The following CIDEA variants were observed in gnomAD, a reference collection of about 807,000 sequenced individuals.
The protein encoded by CIDEA is cell death inducing DFFA like effector a.
CIDEA carries 10 observed loss-of-function variants against 18.2 expected under a neutral mutation model. The observed-to-expected ratio is 0.55, with a 90% CI of 0.34 to 0.93. The LOEUF (loss-of-function observed/expected upper bound fraction) is 0.93, where lower values mean the gene tolerates loss of function less well. CIDEA is among the 40% of genes least tolerant of loss of function. The pLI, the probability that CIDEA is intolerant of heterozygous loss-of-function variation, is 0.02. For synonymous variants in CIDEA, 128 were observed against 124.8 expected (o/e 1.03, Z -0.17); for missense variants, 309 against 293.1 (o/e 1.05, Z -0.40).
chr18:12,272,620 T>C (rs1469469114), intron 3 of CIDEA, among the ~76,000 whole-genome samples: 2 of 152,212 alleles, frequency 1.3e-5, no homozygotes, highest in East Asian at 3.9e-4. Context: ...AGTGCTGGGA[T>C]TACAGGTGTG....
chr18:12,263,004 A>G, intron 2 of CIDEA, 35 bp downstream of exon 2: 2 of 1,608,112 alleles, frequency 1.2e-6, no homozygotes, highest in Non-Finnish European at 1.7e-6. Context: ...CCCAGTCCAC[A>G]GGGGTGCCCT....
At chr18:12,271,422 GGGGCC>G (rs1912526997) in intron 3 of CIDEA, among the ~76,000 whole-genome samples, 1 of 152,230 alleles carries the variant, frequency 6.6e-6, no homozygotes, top group Non-Finnish European at 1.5e-5. Flanking sequence ...GGAAAAGCGA[GGGGCC>G]GGGCCTGCCC....
chr18:12,266,033 T>A (rs1006601797), intron 3 of CIDEA, among the ~76,000 whole-genome samples: 2 of 152,148 alleles, frequency 1.3e-5, no homozygotes, highest in African/African-American at 4.8e-5. Flanking sequence ...AAGACCAGCC[T>A]AGGCAACAGC....
chr18:12,277,514 C>T lies in CIDEA; in HGVS notation c.*244C>T, dbSNP rs1320466017. On this transcript the variant is annotated 3_prime_UTR_variant, in exon 5 of 5. Transcript: ENST00000320477. ...TCATGGGAAGCGAGCACGCAGCAGG[C>T]GTGCCCAGGAGCGTGTGCATGTGTC... 3.9e-6 allele frequency: 2 copies of T among 510,334 alleles called. No homozygotes were observed. The highest frequency in any genetic ancestry group is 1.9e-5 in the African/African-American group (1 of 52,088). 31.6% of individuals were successfully genotyped at this position (510,334 alleles called of 1,614,324 possible). A position where few individuals can be genotyped will look rare whatever the true frequency, so the allele number is the denominator to read the frequency against.
chr18:12,264,369 C>G lies in CIDEA; in HGVS notation c.246C>G (p.Thr82=), dbSNP rs761949756. The change falls in exon 3 of 5, where the codon ACC becomes ACG. Residue 82 remains threonine (T), a synonymous_variant. Transcript: ENST00000320477. ...LVTLVLEEDG[T]VVDTEEFFQT... ...CTCTGGTGCTGGAGGAAGATGGCAC[C>G]GTGGTGGACACAGAAGAGTTCTTTC... is the stretch of plus-strand genomic sequence containing the variant. 6.2e-7 allele frequency: 1 copy of G among 1,613,966 alleles called. No homozygotes were observed. Among genetic ancestry groups the G allele is most frequent in the Non-Finnish European group, 8.5e-7 (1 of 1,179,894 alleles).
chr18:12,264,678 G>T (rs532975272), intron 3 of CIDEA, among the ~76,000 whole-genome samples: 24 of 151,842 alleles, frequency 1.6e-4, no homozygotes, highest in African/African-American at 4.6e-4. Context: ...CTCAGCCTCC[G>T]GAGTAGCTGG....
intron 3 of CIDEA, among the ~76,000 whole-genome samples, chr18:12,272,537 G>A (rs185048842): frequency 4.7e-5 from 7 of 150,398 alleles, no homozygotes; most frequent in East Asian, 2.0e-4. Context: ...TAGTAGAGAC[G>A]GGGTTTCGCC....
Position 12,264,314 on chromosome 18 carries a change from A to G in CIDEA, c.191A>G (p.Asp64Gly), listed in dbSNP as rs1347685324. The change falls in exon 3 of 5, where the codon GAT becomes GGT. Residue 64 changes from aspartate (D) to glycine (G), a missense_variant. By Grantham distance (94) the Asp-to-Gly change is moderately conservative. Coordinates refer to ENST00000320477, the MANE Select transcript of CIDEA (RefSeq NM_001279.4). ...SLQELISKTL[D>G]ALVIATGLVT... is the part of the protein sequence containing the mutation. ...GATGTGTTGCACACCTAGACTCTGG[A>G]TGCCCTCGTCATCGCTACCGGACTG... The G allele has an allele frequency of 6.2e-7, 1 of 1,607,082 alleles. No individual in the cohort carries two copies. Among genetic ancestry groups the G allele is most frequent in the Admixed American group, 1.7e-5 (1 of 58,666 alleles).
At chr18:12,268,247 T>TC (rs1435495275) in intron 3 of CIDEA, among the ~76,000 whole-genome samples, 2 of 143,994 alleles carry the variant, frequency 1.4e-5, no homozygotes, top group Admixed American at 1.4e-4. Flanking sequence ...TTTTTTTTTT[T>TC]TTTTTCATTT....
At chr18:12,258,547 T>G (rs1411995216) in intron 1 of CIDEA, among the ~76,000 whole-genome samples, 2 of 152,222 alleles carry the variant, frequency 1.3e-5, no homozygotes, top group Admixed American at 1.3e-4. Flanking sequence ...AGAGGCCTTG[T>G]GCAAGACTGT....
chr18:12,270,010 C>T (rs990722670), intron 3 of CIDEA, among the ~76,000 whole-genome samples: 5 of 152,184 alleles, frequency 3.3e-5, no homozygotes, highest in Non-Finnish European at 5.9e-5. Context: ...GTTTTGACCT[C>T]TCAGTCCCTT....
At chr18:12,256,565 T>C (rs1912041075) in intron 1 of CIDEA, among the ~76,000 whole-genome samples, 1 of 152,236 alleles carries the variant, frequency 6.6e-6, no homozygotes, top group Non-Finnish European at 1.5e-5. Flanking sequence ...GTTCCTGTGT[T>C]CTGCCAGTGA....
chr18:12,268,063 T>C (rs1912401225), intron 3 of CIDEA, among the ~76,000 whole-genome samples: 1 of 152,060 alleles, frequency 6.6e-6, no homozygotes, highest in South Asian at 2.1e-4. Context: ...AATTGTTTTT[T>C]GTTTGTTTGC....
chr18:12,272,988 T>C (rs1043965277), intron 3 of CIDEA, among the ~76,000 whole-genome samples: 1 of 152,224 alleles, frequency 6.6e-6, no homozygotes, highest in East Asian at 1.9e-4. Flanking sequence ...GGGGCAGCTT[T>C]GCTCTCTTAT....
chr18:12,269,092 G>C (rs1256567521), intron 3 of CIDEA, among the ~76,000 whole-genome samples: 2 of 152,078 alleles, frequency 1.3e-5, no homozygotes, highest in Middle Eastern at 3.2e-3. Flanking sequence ...TGCTGGAGTT[G>C]CAGGCACGAG....
chr18:12,272,048 G>C (rs1385588392), intron 3 of CIDEA, among the ~76,000 whole-genome samples: 4 of 150,488 alleles, frequency 2.7e-5, no homozygotes, highest in African/African-American at 9.7e-5. Flanking sequence ...CTGATGCCAG[G>C]ATCTGAGCTT....
chr18:12,256,262 G>T (rs1354345805), intron 1 of CIDEA, among the ~76,000 whole-genome samples: 11 of 152,226 alleles, frequency 7.2e-5, no homozygotes, highest in African/African-American at 2.7e-4. Flanking sequence ...TGCTCTTGCT[G>T]GACTTCGGCT....
intron 3 of CIDEA, among the ~76,000 whole-genome samples, chr18:12,271,885 C>A (rs1175161639): frequency 6.6e-6 from 1 of 152,170 alleles, no homozygotes; most frequent in Non-Finnish European, 1.5e-5. Flanking sequence ...GCAGCCCCCG[C>A]CCGGCGAGGC....
At chr18:12,272,149 T>TGTGTGTG (rs1555662634) in intron 3 of CIDEA, among the ~76,000 whole-genome samples, 1 of 7,492 alleles carries the variant, frequency 1.3e-4, no homozygotes, top group African/African-American at 4.9e-4. Flanking sequence ...AGTGTGTGTG[T>TGTGTGTG]GGGGGGGGGG....
Sources: allele counts gnomAD v4.1 joint callset (sites outside exome capture counted in the v4.1 genomes callset), GRCh38; gene constraint gnomAD v4.1.1; transcripts MANE v1.5; gene names NCBI Gene and HGNC (gene_info 2026-07-23, HGNC 2026-07-21).